The following SDSL variants were observed in gnomAD, a reference collection of about 807,000 sequenced individuals.
SDSL encodes the protein serine dehydratase-like.
Under a neutral mutation model 27.6 loss-of-function variants are expected in SDSL, and 26 were observed. The observed-to-expected ratio is 0.94, with a 90% CI of 0.69 to 1.31. The LOEUF (loss-of-function observed/expected upper bound fraction) is 1.31. Among genes scored for constraint, SDSL ranks in the 50% most tolerant of loss-of-function variants. The pLI is 0.00. For synonymous variants in SDSL, 196 were observed against 180.6 expected, an observed-to-expected ratio of 1.09 and a Z score of -0.69; for missense variants, 431 against 423.5, an observed-to-expected ratio of 1.02 and a Z score of -0.16.
chr12:113,437,661 G>A (rs556729079), intron 7 of SDSL, among the ~76,000 whole-genome samples: 1 of 152,252 alleles, frequency 6.6e-6, no homozygotes, highest in African/African-American at 2.4e-5. Flanking sequence ...GATGGATAGA[G>A]GAATGGATGG....
chr12:113,428,163 G>T lies in SDSL; in HGVS notation c.174+7G>T. ...TGGGCATTTCTGCCAGGAGGTGAGG[G>T]TGTGTGGGAAGGAGGGGAGAAGTGA... On this transcript the variant is annotated splice_region_variant and intron_variant, in intron 2 of 7. Coordinates refer to ENST00000403593, the MANE Select transcript of SDSL (RefSeq NM_001304993.2). The T allele has an allele frequency of 6.2e-7, 1 of 1,604,864 alleles. No individual in the cohort carries two copies. Among genetic ancestry groups the T allele is most frequent in the Non-Finnish European group, 8.5e-7 (1 of 1,175,076 alleles).
In SDSL at chr12:113,435,511, C is replaced by T. The variant is rs144688002; in HGVS notation, c.626C>T (p.Ala209Val). ...ACCCATGGGGCACACTGCTTCAATG[C>T]GGCCATCACAGCCGGCAAGCTGGTC... ...METHGAHCFNAAITAGKLVTL... is the reference protein window; with the variant it reads ...METHGAHCFNVAITAGKLVTL... Residue 209 changes from alanine to valine, a missense_variant, in exon 6 of 8, where the codon GCG becomes GTG. Coordinates refer to ENST00000403593, the MANE Select transcript of SDSL (RefSeq NM_001304993.2). The T allele has an allele frequency of 1.6e-3, 2,637 of 1,613,972 alleles. 4 individuals are homozygous for T. The highest frequency in any genetic ancestry group is 2.1e-3 in the Non-Finnish European group (2,425 of 1,179,924).
intron 4 of SDSL, among the ~76,000 whole-genome samples, chr12:113,431,389 G>A (rs988711792): frequency 4.6e-5 from 7 of 152,162 alleles, no homozygotes; most frequent in Non-Finnish European, 1.0e-4. Context: ...AGAGGAGGCT[G>A]CTTGGGGCCC....
At chr12:113,434,268 T>A (rs1254795757) in intron 5 of SDSL, 46 bp downstream of exon 5, 1 of 1,432,998 alleles carries the variant, frequency 7.0e-7, no homozygotes, top group South Asian at 1.3e-5. Flanking sequence ...CTGGGAGACC[T>A]TCACTGAGTC....
rs561968513 is a variant in SDSL, at chr12:113,434,341, C to T, written c.443+119C>T. 5.8e-5 allele frequency: 43 copies of T among 735,956 alleles called. No homozygotes were observed. The East Asian group carries it at 1.1e-3, about 19-fold the overall frequency. The allele number at this position is 735,956 out of a possible 1,614,324, so 45.6% of individuals were successfully genotyped here. ...CAGAGGGGAGAAGAGGCTTCAAAGCCAGGCAGACATGGGTTCAGATCCCAC... is the reference window on the plus strand; with the variant it reads ...CAGAGGGGAGAAGAGGCTTCAAAGCTAGGCAGACATGGGTTCAGATCCCAC... On this transcript the variant is annotated intron_variant, in intron 5 of 7. Coordinates refer to ENST00000403593, the MANE Select transcript of SDSL (RefSeq NM_001304993.2).
Position 113,427,835 on chromosome 12 carries a change from C to T in SDSL, c.-21-127C>T, listed in dbSNP as rs950312604. ...TCACAGATACTTGATGGGGGTCTCA[C>T]AGCTCAGCAGCTGGATGAAGTGAAG... On this transcript the variant is annotated intron_variant, in intron 1 of 7. Coordinates refer to ENST00000403593, the MANE Select transcript of SDSL (RefSeq NM_001304993.2). 5.2e-6 allele frequency: 4 copies of T among 775,640 alleles called. No homozygotes were observed. In the East Asian group the frequency reaches 8.1e-5, roughly 16 times the overall value. 48.0% of individuals were successfully genotyped at this position (775,640 alleles called of 1,614,324 possible). A position where few individuals can be genotyped will look rare whatever the true frequency, so the allele number is the denominator to read the frequency against.
At position 113,429,163 on chromosome 12, in the gene SDSL, G is replaced by A; in HGVS notation, c.218G>A (p.Gly73Asp). Residue 73 changes from glycine (G) to aspartate (D), a missense_variant, in exon 4 of 8, where the codon GGT (glycine) becomes GAT (aspartate). Transcript: ENST00000403593. Reference sequence around the variant, plus strand: ...CCCTTTCCTCCTTTCTGCACAGGGGGTAATGCGGGCATCGCTGCTGCCTAT... The same window carrying A: ...CCCTTTCCTCCTTTCTGCACAGGGGATAATGCGGGCATCGCTGCTGCCTAT... ...GCRHLVCSSG[G>D]NAGIAAAYAA... The A allele has an allele frequency of 1.9e-6, 3 of 1,612,908 alleles. No individual in the cohort carries two copies. The highest frequency in any genetic ancestry group is 2.5e-6 in the Non-Finnish European group (3 of 1,179,422).
At chr12:113,429,716 G>A (rs750832998) in intron 4 of SDSL, among the ~76,000 whole-genome samples, 107 of 151,992 alleles carry the variant, frequency 7.0e-4, no homozygotes, top group Non-Finnish European at 1.3e-3. Flanking sequence ...AGATATCACC[G>A]GTTCCCTTTG....
At chr12:113,424,714 A>G (rs984121841) in intron 1 of SDSL, among the ~76,000 whole-genome samples, 2 of 152,070 alleles carry the variant, frequency 1.3e-5, no homozygotes, top group African/African-American at 4.8e-5. Context: ...GACTCAACAA[A>G]TGACAGATGT....
intron 6 of SDSL, among the ~76,000 whole-genome samples, chr12:113,435,954 A>G (rs1316612916): frequency 6.6e-6 from 1 of 152,176 alleles, no homozygotes; most frequent in African/African-American, 2.4e-5. Flanking sequence ...CCCTGTCTCT[A>G]CTAAAAAAAT....
At position 113,427,928 on chromosome 12, in the gene SDSL, A is replaced by G. The variant is rs1025896940; in HGVS notation, c.-21-34A>G. On this transcript the variant is annotated intron_variant, in intron 1 of 7. Coordinates refer to ENST00000403593, the MANE Select transcript of SDSL (RefSeq NM_001304993.2). ...CTGGTTAAGGGAACTCTTGATGGGGACTGCCTGGGTGGTGACTTTGTGTCC... is the reference window on the plus strand; with the variant it reads ...CTGGTTAAGGGAACTCTTGATGGGGGCTGCCTGGGTGGTGACTTTGTGTCC... The G allele has an allele frequency of 1.2e-5, 19 of 1,557,570 alleles. No individual in the cohort carries two copies. In the East Asian group the frequency reaches 2.4e-4, roughly 19 times the overall value.
chr12:113,434,690 C>G (rs1312667512), intron 5 of SDSL, among the ~76,000 whole-genome samples: 1 of 152,198 alleles, frequency 6.6e-6, no homozygotes, highest in South Asian at 2.1e-4. Flanking sequence ...ATACACTTGT[C>G]CCCTCTTAAC....
At chr12:113,425,451 C>A (rs1957835171) in intron 1 of SDSL, among the ~76,000 whole-genome samples, 1 of 152,096 alleles carries the variant, frequency 6.6e-6, no homozygotes, top group African/African-American at 2.4e-5. Context: ...ATCTTGGAAC[C>A]CCAGCCATGA....
At chr12:113,426,285 C>T in intron 1 of SDSL, 1 of 455,878 alleles carries the variant, frequency 2.2e-6, no homozygotes, top group Non-Finnish European at 4.4e-6. Flanking sequence ...CAAAGTTCCC[C>T]TTTCAAGAAC....
rs376639738 is a variant in SDSL at position 113,429,154 on chromosome 12, G to A, written c.215-6G>A. The A allele has an allele frequency of 2.5e-6, 4 of 1,610,956 alleles. No individual in the cohort carries two copies. The highest frequency in any genetic ancestry group is 3.4e-6 in the Non-Finnish European group (4 of 1,178,178). Reference sequence around the variant, plus strand: ...GCCCACTGCCCCTTTCCTCCTTTCTGCACAGGGGGTAATGCGGGCATCGCT... The same window carrying A: ...GCCCACTGCCCCTTTCCTCCTTTCTACACAGGGGGTAATGCGGGCATCGCT... On this transcript the variant is annotated splice_polypyrimidine_tract_variant and splice_region_variant and intron_variant, in intron 3 of 7. Transcript: ENST00000403593.
chr12:113,426,165 C>G, intron 1 of SDSL: 1 of 456,010 alleles, frequency 2.2e-6, no homozygotes, highest in South Asian at 1.5e-5. Flanking sequence ...GCCCCAAACC[C>G]CTTCTGTCTG....
chr12:113,428,242 G>A, intron 2 of SDSL, 86 bp downstream of exon 2: 1 of 1,411,250 alleles, frequency 7.1e-7, no homozygotes. Context: ...ACGGGTTCGG[G>A]CAGGAGGGGA....
At chr12:113,426,426 A>G (rs1957852028) in intron 1 of SDSL, 2 of 304,870 alleles carry the variant, frequency 6.6e-6, no homozygotes, top group Non-Finnish European at 6.6e-6. Flanking sequence ...ATCATATTTA[A>G]TGGGATGATT....
chr12:113,426,671 C>A (rs546108133), intron 1 of SDSL, among the ~76,000 whole-genome samples: 1 of 152,314 alleles, frequency 6.6e-6, no homozygotes, highest in East Asian at 1.9e-4. Flanking sequence ...GATGCAGTGA[C>A]TCGCGCCTGT....
Sources: allele counts gnomAD v4.1 joint callset (sites outside exome capture counted in the v4.1 genomes callset), GRCh38; gene constraint gnomAD v4.1.1; transcripts MANE v1.5; gene names NCBI Gene and HGNC (gene_info 2026-07-23, HGNC 2026-07-21).